The following MCM5 variants were observed in gnomAD, a reference collection of about 807,000 sequenced individuals.
MCM5 encodes the protein DNA replication licensing factor MCM5.
Under a neutral mutation model 79.9 loss-of-function variants are expected in MCM5, and 46 were observed. The ratio of observed to expected loss-of-function variants is 0.58; its 90% CI spans 0.45 to 0.74. MCM5 has a LOEUF of 0.74. Among genes scored for constraint, MCM5 ranks in the 30% least tolerant of loss-of-function variants. MCM5 has a pLI of 0.00. For synonymous variants in MCM5, 404 were observed against 390.5 expected (o/e 1.03, Z -0.41); for missense variants, 883 against 1,017.0 (o/e 0.87, Z 1.79).
the MCM5 span, among the ~76,000 whole-genome samples, chr22:35,437,847 G>A: frequency 6.6e-6 from 1 of 152,164 alleles, no homozygotes; most frequent in South Asian, 2.1e-4. Context: ...AAGCTTCCCA[G>A]AGGATTCTGA....
At chr22:35,454,321 G>A in the MCM5 span, among the ~76,000 whole-genome samples, 1 of 152,076 alleles carries the variant, frequency 6.6e-6, no homozygotes, top group Non-Finnish European at 1.5e-5. Flanking sequence ...GGGCGTCCTG[G>A]GGAAATTTGT....
chr22:35,442,695 C>T, the MCM5 span, among the ~76,000 whole-genome samples: 4 of 152,350 alleles, frequency 2.6e-5, no homozygotes, highest in African/African-American at 4.8e-5. Flanking sequence ...TCTTTAATGA[C>T]TGTGATTACA....
At position 35,423,098 on chromosome 22, in the gene MCM5, C is replaced by T. The variant is rs1030612667; in HGVS notation, c.1976-116C>T. Reference sequence around the variant, plus strand: ...ACCCTGGCACACTCGGTGCCCTTTTCTGACTTACTCTTCGGGGCCTGGCTC... The same window carrying T: ...ACCCTGGCACACTCGGTGCCCTTTTTTGACTTACTCTTCGGGGCCTGGCTC... On this transcript the variant is annotated intron_variant, in intron 15 of 16. Transcript: ENST00000216122. 1.7e-6 allele frequency: 2 copies of T among 1,203,174 alleles called. 1 individual carries two copies. 74.5% of individuals were successfully genotyped at this position (1,203,174 alleles called of 1,614,324 possible).
chr22:35,405,020 A>ATT lies in MCM5; in HGVS notation c.423+1498_423+1499dup, dbSNP rs35626347. On this transcript the variant is annotated intron_variant, in intron 4 of 16. Coordinates refer to ENST00000216122, the MANE Select transcript of MCM5 (RefSeq NM_006739.4). ...CTTAATAATTAGCAACTAGAGGCCAATTTTTTTTTTTTTTTTTTTTTGAGA... is the reference window on the plus strand; with the variant it reads ...CTTAATAATTAGCAACTAGAGGCCAATTTTTTTTTTTTTTTTTTTTTTTGAGA... Among the ~76,000 whole-genome samples the ATT allele has an allele frequency of 3.6e-3, 406 of 114,332 alleles. 3 individuals carry two copies. Among genetic ancestry groups the ATT allele is most frequent in the Non-Finnish European group, 4.3e-3 (238 of 55,784 alleles). 75.0% of individuals were successfully genotyped at this position (114,332 alleles called of 152,430 possible). A position where few individuals can be genotyped will look rare whatever the true frequency, so the allele number is the denominator to read the frequency against.
chr22:35,400,383 T>A lies in MCM5; in HGVS notation c.-8-48T>A, dbSNP rs1234523751. 4 of 1,607,892 alleles carry A rather than the reference T, an allele frequency of 2.5e-6. No homozygotes were observed. In the East Asian group the frequency reaches 8.9e-5, roughly 36 times the overall value. On this transcript the variant is annotated intron_variant, in intron 1 of 16. Coordinates refer to ENST00000216122, the MANE Select transcript of MCM5 (RefSeq NM_006739.4). ...GACCCAGGCGTCGGAGGGGAGGAGG[T>A]GCCAGGCGCTGCCCCCAGCCTGTTC... is the stretch of plus-strand genomic sequence containing the variant.
chr22:35,400,667 G>A, intron 2 of MCM5, 62 bp downstream of exon 2: 3 of 1,486,858 alleles, frequency 2.0e-6, no homozygotes, highest in Non-Finnish European at 2.7e-6. Flanking sequence ...GCCTCTACCA[G>A]CCTGCTAGAG....
downstream of MCM5, among the ~76,000 whole-genome samples, chr22:35,428,446 C>A (rs1601767346): frequency 1.3e-5 from 2 of 151,904 alleles, no homozygotes; most frequent in African/African-American, 4.8e-5. Flanking sequence ...CAGGTGTGAG[C>A]CACTGCACCA....
chr22:35,436,590 A>G, the MCM5 span, among the ~76,000 whole-genome samples: 1 of 151,690 alleles, frequency 6.6e-6, no homozygotes, highest in Non-Finnish European at 1.5e-5. Context: ...GCCTTTTTCC[A>G]TCTCCCTGGC....
At chr22:35,449,560 T>G in the MCM5 span, among the ~76,000 whole-genome samples, 1 of 132,868 alleles carries the variant, frequency 7.5e-6, no homozygotes, top group African/African-American at 2.6e-5. Flanking sequence ...CGTGGCCTCT[T>G]TGTCCCAGCT....
chr22:35,409,420 A>AG lies in MCM5; in HGVS notation c.752+857_752+858insG, dbSNP rs1294917225. 2.6e-5 allele frequency: 4 copies of AG among 152,114 alleles called. No individual in the cohort carries two copies. The East Asian group carries it at 7.7e-4, about 29-fold the overall frequency. The allele number at this position is 152,114 out of a possible 1,614,324, so 9.4% of individuals were successfully genotyped here. A position where few individuals can be genotyped will look rare whatever the true frequency, so the allele number is the denominator to read the frequency against. ...GAGACCCTGTATCTAAAAAAAAAAA[A>AG]TTTATTAGCTGGGTGTTGGGGCAGA... On this transcript the variant is annotated intron_variant, in intron 6 of 16. Transcript: ENST00000216122.
rs769480900 is a variant in MCM5 at position 35,423,347 on chromosome 22, C to G, written c.2103+6C>G. On this transcript the variant is annotated splice_donor_region_variant and intron_variant, in intron 16 of 16. Transcript: ENST00000216122. ...TCAAGGACTTCACCAAGCAGGTGAG[C>G]CTGCCTTGGAGTGGGGGTGTGAGCC... 4 of 1,594,252 alleles carry G rather than the reference C, an allele frequency of 2.5e-6. No individual in the cohort carries two copies. Among genetic ancestry groups the G allele is most frequent in the African/African-American group, 1.3e-5 (1 of 74,554 alleles).
At chr22:35,420,270 C>G (rs4645806) in intron 14 of MCM5, among the ~76,000 whole-genome samples, 1,996 of 152,282 alleles carry the variant, frequency 0.013, 41 homozygotes, top group African/African-American at 0.045. Flanking sequence ...TGTAGGAAGC[C>G]CGAAGGGAGG....
intron 6 of MCM5, chr22:35,410,284 C>G (rs1281755760): frequency 5.8e-6 from 1 of 171,904 alleles, no homozygotes; most frequent in Non-Finnish European, 1.3e-5. Context: ...AATGAGCTCA[C>G]AGAGCCATGA....
chr22:35,453,433 CAGAG>C, the MCM5 span, among the ~76,000 whole-genome samples: 1 of 151,354 alleles, frequency 6.6e-6, no homozygotes, highest in African/African-American at 2.4e-5. Context: ...GACACAGAGA[CAGAG>C]ACAGGGACAG....
intron 5 of MCM5, 131 bp from the exon 6 acceptor site, chr22:35,408,277 T>C: frequency 1.3e-6 from 1 of 764,282 alleles, no homozygotes; most frequent in Non-Finnish European, 2.1e-6. Context: ...GCCTGGCTTA[T>C]CTCCAGCTTA....
At chr22:35,420,113 C>T (rs1256580280) in intron 14 of MCM5, 101 bp downstream of exon 14, 12 of 1,398,646 alleles carry the variant, frequency 8.6e-6, no homozygotes, top group Non-Finnish European at 1.2e-5. Flanking sequence ...TTTCACTTGG[C>T]ACAGGCCCAT....
At chr22:35,451,630 C>G in the MCM5 span, among the ~76,000 whole-genome samples, 3 of 152,354 alleles carry the variant, frequency 2.0e-5, no homozygotes, top group East Asian at 5.8e-4. Context: ...GGTTGGGTTT[C>G]TCTCAGTTAC....
At chr22:35,423,123 C>T in intron 15 of MCM5, 91 bp from the exon 16 acceptor site, 3 of 1,400,782 alleles carry the variant, frequency 2.1e-6, no homozygotes, top group Non-Finnish European at 2.9e-6. Context: ...GGGCCTGGCT[C>T]AGGCTGTTCT....
chr22:35,441,477 C>G, the MCM5 span, among the ~76,000 whole-genome samples: 2 of 152,196 alleles, frequency 1.3e-5, no homozygotes, highest in African/African-American at 4.8e-5. Context: ...ATGTCAGTAC[C>G]TATTATCCCT....
Sources: allele counts gnomAD v4.1 joint callset (sites outside exome capture counted in the v4.1 genomes callset), GRCh38; gene constraint gnomAD v4.1.1; transcripts MANE v1.5; gene names NCBI Gene and HGNC (gene_info 2026-07-23, HGNC 2026-07-21).